Variants in IL5RA observed in about 807,000 individuals in gnomAD.
IL5RA encodes interleukin 5 receptor subunit alpha, also known as interleukin-5 receptor subunit alpha.
IL5RA carries 49 observed loss-of-function variants against 50.0 expected under a neutral mutation model. That is an observed-to-expected ratio of 0.98 (90% CI 0.78 to 1.24). IL5RA has a LOEUF of 1.24. Among genes scored for constraint, IL5RA ranks in the 50% most tolerant of loss-of-function variants. The probability of loss-of-function intolerance (pLI) is 0.00; values close to 1 mark genes in which losing one functional copy is unlikely to be tolerated. For synonymous variants in IL5RA, 202 were observed against 174.0 expected, an observed-to-expected ratio of 1.16 and a Z score of -1.26; for missense variants, 600 against 500.4, an observed-to-expected ratio of 1.20 and a Z score of -1.90.
rs1702144827 is a variant in IL5RA at position 3,066,717 on chromosome 3, A to T, written c.*3508T>A. On this transcript the variant is annotated 3_prime_UTR_variant, in exon 12 of 12. Coordinates refer to ENST00000446632, the MANE Select transcript of IL5RA (RefSeq NM_175726.4). ...GAAAACGTTTGGATTTTTAATCAGG[A>T]TGTTCTTTGCCCACGTGGATTCTTC... 2 of 152,160 alleles carry T rather than the reference A, an allele frequency of 1.3e-5. No individual in the cohort carries two copies. The highest frequency in any genetic ancestry group is 2.1e-4 in the South Asian group (1 of 4,836). 9.4% of individuals were successfully genotyped at this position (152,160 alleles called of 1,614,324 possible).
chr3:3,090,140 T>C (rs932764515), intron 9 of IL5RA: 1 of 1,481,274 alleles, frequency 6.8e-7, no homozygotes, highest in African/African-American at 1.4e-5. Context: ...GCATAGTGCT[T>C]GGCAAAATAA....
intron 9 of IL5RA, among the ~76,000 whole-genome samples, chr3:3,079,107 C>T (rs563632641): frequency 1.3e-5 from 2 of 152,276 alleles, no homozygotes; most frequent in Admixed American, 6.5e-5. Flanking sequence ...CTCCACTCAT[C>T]CTTTGACCCT....
intron 9 of IL5RA, among the ~76,000 whole-genome samples, chr3:3,088,972 C>T (rs1009923935): frequency 7.9e-5 from 12 of 152,138 alleles, no homozygotes; most frequent in East Asian, 1.9e-4. Context: ...TAATGCTTCT[C>T]GTATTTGTTT....
intron 9 of IL5RA, among the ~76,000 whole-genome samples, chr3:3,086,631 G>A (rs923231550): frequency 2.6e-5 from 4 of 151,892 alleles, no homozygotes; most frequent in South Asian, 2.1e-4. Flanking sequence ...CCAGGAGTTC[G>A]AGACCAGCCT....
intron 11 of IL5RA, 63 bp downstream of exon 11, chr3:3,074,719 G>T: frequency 1.1e-6 from 1 of 934,430 alleles, no homozygotes; most frequent in South Asian, 1.4e-5. Context: ...AGAACCGAAT[G>T]ACAGCTCCCA....
At chr3:3,074,958 A>C in intron 10 of IL5RA, 92 bp from the exon 11 acceptor site, 1 of 765,846 alleles carries the variant, frequency 1.3e-6, no homozygotes, top group South Asian at 1.6e-5. Flanking sequence ...TTGATTCTAG[A>C]ACCTGCTGTT....
rs1703312078 is a variant in IL5RA, at chr3:3,095,405, T to C, written c.749A>G (p.Glu250Gly). ...NPPLNVTAEI[E>G]GTRLSIQWEK... ...CCATTGGATAGAGAGACGAGTTCCTTCAATCTCTGCTGTGACATTCAGTGG... is the reference window on the plus strand; with the variant it reads ...CCATTGGATAGAGAGACGAGTTCCTCCAATCTCTGCTGTGACATTCAGTGG... The change falls in exon 8 of 12, where the codon GAA becomes GGA. Residue 250 changes from glutamate (E) to glycine (G), a missense_variant. By Grantham distance (98) the Glu-to-Gly change is moderately conservative. Coordinates refer to ENST00000446632, the MANE Select transcript of IL5RA (RefSeq NM_175726.4). The C allele has an allele frequency of 1.2e-6, 2 of 1,612,362 alleles. No homozygotes were observed. Among genetic ancestry groups the C allele is most frequent in the Admixed American group, 1.7e-5 (1 of 59,962 alleles).
chr3:3,072,303 C>A (rs1037270364), intron 11 of IL5RA, among the ~76,000 whole-genome samples: 1 of 152,212 alleles, frequency 6.6e-6, no homozygotes, highest in African/African-American at 2.4e-5. Context: ...TTCTCTCAGT[C>A]TCTAACTGCT....
At chr3:3,077,109 G>A (rs1702512348) in intron 9 of IL5RA, among the ~76,000 whole-genome samples, 1 of 152,144 alleles carries the variant, frequency 6.6e-6, no homozygotes, top group Admixed American at 6.5e-5. Flanking sequence ...GAACAATAAA[G>A]GCATCAGACT....
chr3:3,089,647 T>C (rs1233063514), intron 9 of IL5RA, among the ~76,000 whole-genome samples: 1 of 128,122 alleles, frequency 7.8e-6, no homozygotes, highest in African/African-American at 2.8e-5. Context: ...CCAAGATGTC[T>C]TTTTTTTTTT....
chr3:3,070,944 T>A (rs909102032), intron 11 of IL5RA, among the ~76,000 whole-genome samples: 2 of 152,188 alleles, frequency 1.3e-5, no homozygotes, highest in Non-Finnish European at 2.9e-5. Context: ...ATTACATTGT[T>A]AAATGTGCTT....
At chr3:3,089,566 T>C (rs966522250) in intron 9 of IL5RA, among the ~76,000 whole-genome samples, 1 of 152,316 alleles carries the variant, frequency 6.6e-6, no homozygotes, top group South Asian at 2.1e-4. Flanking sequence ...CAATGGTTGA[T>C]GAATACCTCA....
chr3:3,088,079 T>A (rs1702942541), intron 9 of IL5RA, among the ~76,000 whole-genome samples: 1 of 152,176 alleles, frequency 6.6e-6, no homozygotes, highest in Non-Finnish European at 1.5e-5. Flanking sequence ...GAGGTACACC[T>A]GGGGGAAAAC....
chr3:3,091,547 C>T lies in IL5RA; in HGVS notation c.994+677G>A, dbSNP rs537070717. Among the ~76,000 whole-genome samples, 22 of 152,210 alleles carry T rather than the reference C, an allele frequency of 1.4e-4. 1 individual carries two copies. The highest frequency in any genetic ancestry group is 3.4e-3 in the Middle Eastern group (1 of 294). ...AGGAGTTCGAGACCAGCCTGACCAACGTGGTGAAACCCTGTCTCTACTAAA... is the reference window on the plus strand; with the variant it reads ...AGGAGTTCGAGACCAGCCTGACCAATGTGGTGAAACCCTGTCTCTACTAAA... On this transcript the variant is annotated intron_variant, in intron 9 of 11. Coordinates refer to ENST00000446632, the MANE Select transcript of IL5RA (RefSeq NM_175726.4).
At chr3:3,090,671 A>G (rs1165293873) in intron 9 of IL5RA, among the ~76,000 whole-genome samples, 2 of 142,688 alleles carry the variant, frequency 1.4e-5, no homozygotes, top group Non-Finnish European at 3.0e-5. Context: ...GGTTCACGCC[A>G]TTCTCCTGCC....
Position 3,074,805 on chromosome 3 carries a change from G to C in IL5RA, c.1153C>G (p.Leu385Val), listed in dbSNP as rs1449455667. 1.2e-6 allele frequency: 2 copies of C among 1,606,418 alleles called. No individual in the cohort carries two copies. Among genetic ancestry groups the C allele is most frequent in the Non-Finnish European group, 1.7e-6 (2 of 1,172,986 alleles). Residue 385 changes from leucine to valine, a missense_variant, in exon 11 of 12, where the codon CTC (leucine) becomes GTC (valine). Physicochemically the swap from Leu to Val is conservative, Grantham distance 32. Transcript: ENST00000446632. ...ACCTCATAGTTAGTGGTTACAAAGA[G>C]ATCTTTGATATTACTTTTTGGTGCT... is the stretch of plus-strand genomic sequence containing the variant. ...IPAPKSNIKD[L>V]FVTTNYEKAG...
chr3:3,071,863 T>A (rs1284197603), intron 11 of IL5RA, among the ~76,000 whole-genome samples: 2 of 152,192 alleles, frequency 1.3e-5, no homozygotes, highest in Non-Finnish European at 2.9e-5. Context: ...GTGCTGGGAT[T>A]ACAGGTATGA....
intron 7 of IL5RA, 34 bp downstream of exon 7, chr3:3,097,836 C>G (rs1195315702): frequency 1.3e-6 from 2 of 1,586,922 alleles, no homozygotes; most frequent in African/African-American, 1.4e-5. Context: ...TTCCGAGATT[C>G]AGTTATTTCA....
chr3:3,106,490 A>T (rs1383441825), intron 2 of IL5RA, among the ~76,000 whole-genome samples: 2 of 152,206 alleles, frequency 1.3e-5, no homozygotes, highest in Non-Finnish European at 2.9e-5. Context: ...GTTAATCAGA[A>T]GTATGCCAGT....
Sources: gnomAD v4.1 joint callset for allele counts (sites outside exome capture counted in the v4.1 genomes callset) on GRCh38, gnomAD v4.1.1 for gene constraint, MANE v1.5 for transcripts, NCBI Gene and HGNC (gene_info 2026-07-23, HGNC 2026-07-21) for gene names.